Variants in DPYD observed in about 807,000 individuals in gnomAD.
DPYD encodes dihydropyrimidine dehydrogenase.
A neutral mutation model predicts 116.2 loss-of-function variants in DPYD; 109 were observed. The ratio of observed to expected loss-of-function variants is 0.94; its 90% confidence interval spans 0.80 to 1.10. The LOEUF (loss-of-function observed/expected upper bound fraction) is 1.10, where lower values mean the gene tolerates loss of function less well. Ranked by LOEUF, DPYD falls within the 50% of genes least tolerant of loss-of-function variation. DPYD has a pLI of 0.00. For synonymous variants in DPYD, 440 were observed against 432.0 expected, an observed-to-expected ratio of 1.02 and a Z score of -0.23; for missense variants, 1,302 against 1,254.5, an observed-to-expected ratio of 1.04 and a Z score of -0.57.
intron 3 of DPYD, among the ~76,000 whole-genome samples, chr1:97,819,602 T>G (rs549123358): frequency 6.6e-6 from 1 of 152,164 alleles, no homozygotes; most frequent in East Asian, 1.9e-4. Flanking sequence ...TAATACTTTC[T>G]CATTTTATTT....
At chr1:97,243,201 G>C (rs78357087) in intron 18 of DPYD, among the ~76,000 whole-genome samples, 1,863 of 151,818 alleles carry the variant, frequency 0.012, 17 homozygotes, top group Admixed American at 0.028. Context: ...ACTTATTCTT[G>C]GTAGTTTAAG....
chr1:97,594,878 C>T (rs1373324215), intron 9 of DPYD, among the ~76,000 whole-genome samples, 181 bp downstream of exon 9: 1 of 151,724 alleles, frequency 6.6e-6, no homozygotes, highest in African/African-American at 2.4e-5. Context: ...GAAGAATGAA[C>T]AAACAGATGA....
At chr1:97,485,298 T>C (rs529746247) in intron 13 of DPYD, among the ~76,000 whole-genome samples, 10 of 151,946 alleles carry the variant, frequency 6.6e-5, no homozygotes, top group Admixed American at 5.2e-4. Context: ...ACCTCCCGGG[T>C]TCAAGCAATT....
chr1:97,195,934 T>C (rs1658778583), intron 19 of DPYD, among the ~76,000 whole-genome samples: 2 of 151,544 alleles, frequency 1.3e-5, no homozygotes, highest in Non-Finnish European at 2.9e-5. Context: ...TTTGCCTTTA[T>C]AGGAGAGATC....
chr1:97,464,685 C>A (rs1557730361), intron 13 of DPYD, among the ~76,000 whole-genome samples: 1 of 152,114 alleles, frequency 6.6e-6, no homozygotes, highest in Non-Finnish European at 1.5e-5. Context: ...GCACAGAAAT[C>A]AAAAATCGAG....
intron 1 of DPYD, among the ~76,000 whole-genome samples, chr1:97,885,120 G>C (rs933142688): frequency 6.6e-6 from 1 of 151,930 alleles, no homozygotes; most frequent in Admixed American, 6.6e-5. Context: ...GGCCAAGTAA[G>C]AATTTGAAGG....
At chr1:97,236,601 G>C (rs1378271613) in intron 18 of DPYD, among the ~76,000 whole-genome samples, 2 of 152,020 alleles carry the variant, frequency 1.3e-5, no homozygotes, top group Non-Finnish European at 2.9e-5. Context: ...TTTTAGGACA[G>C]TGAAAATACT....
At chr1:97,853,777 C>A (rs998523511) in intron 2 of DPYD, among the ~76,000 whole-genome samples, 1 of 152,112 alleles carries the variant, frequency 6.6e-6, no homozygotes, top group Non-Finnish European at 1.5e-5. Flanking sequence ...TCTAAGATTG[C>A]GTAGTTAACA....
At chr1:97,579,142 C>G (rs1434423762) in intron 10 of DPYD, among the ~76,000 whole-genome samples, 1 of 152,080 alleles carries the variant, frequency 6.6e-6, no homozygotes, top group East Asian at 1.9e-4. Context: ...CCCAGCAAAT[C>G]AGAATATATG....
chr1:97,079,249 T>C, intron 22 of DPYD, 103 bp from the exon 23 acceptor site: 1 of 1,212,518 alleles, frequency 8.2e-7, no homozygotes, highest in South Asian at 1.2e-5. Flanking sequence ...AGCCACACTA[T>C]GAGACAACTA....
intron 3 of DPYD, among the ~76,000 whole-genome samples, chr1:97,755,276 C>G (rs1366404948): frequency 6.6e-6 from 1 of 152,152 alleles, no homozygotes; most frequent in Non-Finnish European, 1.5e-5. Flanking sequence ...TCCTATGACC[C>G]TGGGGTATAA....
chr1:97,811,514 G>C (rs1056582068), intron 3 of DPYD, among the ~76,000 whole-genome samples: 2 of 151,938 alleles, frequency 1.3e-5, no homozygotes, highest in African/African-American at 4.8e-5. Flanking sequence ...TACAAACATT[G>C]CTCAAAACAA....
chr1:97,431,668 T>A (rs959187513), intron 14 of DPYD, among the ~76,000 whole-genome samples: 6 of 152,156 alleles, frequency 3.9e-5, no homozygotes, highest in African/African-American at 1.4e-4. Context: ...AATTAGGATA[T>A]CCATCACCTC....
At chr1:97,777,034 T>C (rs1428490139) in intron 3 of DPYD, among the ~76,000 whole-genome samples, 4 of 152,188 alleles carry the variant, frequency 2.6e-5, no homozygotes, top group East Asian at 3.8e-4. Flanking sequence ...TGAAATTATC[T>C]AAAAATACTA....
chr1:97,127,330 G>C (rs576051160), intron 20 of DPYD, among the ~76,000 whole-genome samples: 116 of 152,266 alleles, frequency 7.6e-4, no homozygotes, highest in African/African-American at 2.7e-3. Context: ...AAGGGAGCCT[G>C]GGTTGGTCCA....
chr1:97,293,742 G>C (rs1273641010), intron 18 of DPYD, among the ~76,000 whole-genome samples: 1 of 152,114 alleles, frequency 6.6e-6, no homozygotes, highest in Non-Finnish European at 1.5e-5. Context: ...AGGAGTTTGA[G>C]ACCAGACTGG....
intron 2 of DPYD, among the ~76,000 whole-genome samples, chr1:97,848,743 T>C (rs890038254): frequency 2.6e-5 from 4 of 152,198 alleles, no homozygotes; most frequent in Admixed American, 6.5e-5. Context: ...AACCAGCATC[T>C]TGAGTATTAC....
At chr1:97,487,661 C>T (rs557784193) in intron 13 of DPYD, among the ~76,000 whole-genome samples, 18 of 151,768 alleles carry the variant, frequency 1.2e-4, no homozygotes, top group South Asian at 2.1e-4. Flanking sequence ...CGACAGAGCG[C>T]GACTCTGTCT....
rs2786783 is a variant in DPYD at position 97,515,687 on chromosome 1, G to A, written c.1740+39C>T. 295,741 of 1,556,804 alleles carry A rather than the reference G, an allele frequency of 0.19. 29,516 individuals are homozygous for A. The highest frequency in any genetic ancestry group is 0.27 in the Admixed American group (16,052 of 58,792). ...TGTTTATACCTTAATTAAAATATAT[G>A]ATAGACATTTCTATATGACTTCAAT... On this transcript the variant is annotated intron_variant, in intron 13 of 22. Transcript: ENST00000370192.
Sources: gnomAD v4.1 joint callset for allele counts (sites outside exome capture counted in the v4.1 genomes callset) on GRCh38, gnomAD v4.1.1 for gene constraint, MANE v1.5 for transcripts, NCBI Gene and HGNC (gene_info 2026-07-23, HGNC 2026-07-21) for gene names.